PTPRB: variants seen among roughly 807,000 people sequenced by gnomAD.
PTPRB encodes the protein protein tyrosine phosphatase receptor type B, also known as receptor-type tyrosine-protein phosphatase beta.
PTPRB carries 97 observed loss-of-function variants against 238.1 expected under a neutral mutation model. The ratio of observed to expected loss-of-function variants is 0.41; its 90% CI spans 0.35 to 0.48. The LOEUF is 0.48. Among genes scored for constraint, PTPRB ranks in the 20% least tolerant of loss-of-function variants. PTPRB has a pLI of 0.30. For missense variants in PTPRB, 2,292 were observed against 2,681.9 expected, an observed-to-expected ratio of 0.85 and a Z score of 3.21; for synonymous variants, 970 against 995.4, an observed-to-expected ratio of 0.97 and a Z score of 0.48.
intron 31 of PTPRB, 64 bp from the exon 32 acceptor site, chr12:70,532,234 A>AGAG (rs1873365714): frequency 2.0e-6 from 3 of 1,484,878 alleles, no homozygotes; most frequent in South Asian, 2.7e-5. Context: ...GATTGCATCT[A>AGAG]GAGACTCTGG....
In PTPRB at chr12:70,622,555, C is replaced by A; in HGVS notation, c.543G>T (p.Leu181=). 1 of 1,605,874 alleles carries A rather than the reference C, an allele frequency of 6.2e-7. No individual in the cohort carries two copies. Residue 181 remains leucine (L), a synonymous_variant, in exon 3 of 34, where the codon CTG becomes CTT. Coordinates refer to ENST00000334414, the MANE Select transcript of PTPRB (RefSeq NM_001109754.4). ...LTTFNAVPDG[L]VFLIRNTTEA... The stretch of plus-strand genomic sequence containing the variant: ...CTGTGGTATTCCTAATAAGGAATAC[C>A]AGGCCATCTGGAACTGCATTAAAGG...
intron 15 of PTPRB, among the ~76,000 whole-genome samples, chr12:70,564,043 A>T (rs1878883334): frequency 6.6e-6 from 1 of 152,100 alleles, no homozygotes; most frequent in African/African-American, 2.4e-5. Context: ...TTCCAGCCAT[A>T]TGGGCCTCTT....
At chr12:70,619,192 G>A (rs1449253434) in intron 3 of PTPRB, among the ~76,000 whole-genome samples, 1 of 149,722 alleles carries the variant, frequency 6.7e-6, no homozygotes, top group Non-Finnish European at 1.5e-5. Context: ...GTGTGTGTGT[G>A]TATACTCTTC....
At chr12:70,635,162 AC>A (rs1225510211) in intron 2 of PTPRB, among the ~76,000 whole-genome samples, 4 of 152,142 alleles carry the variant, frequency 2.6e-5, no homozygotes, top group Non-Finnish European at 5.9e-5. Flanking sequence ...AAAGATATCT[AC>A]CCCTAAACAG....
At chr12:70,627,723 TA>T (rs1885269293) in intron 2 of PTPRB, among the ~76,000 whole-genome samples, 2 of 152,114 alleles carry the variant, frequency 1.3e-5, no homozygotes, top group Admixed American at 1.3e-4. Flanking sequence ...TTGATAACAT[TA>T]TTTTCAGACA....
intron 2 of PTPRB, among the ~76,000 whole-genome samples, chr12:70,624,702 G>A (rs1036170554): frequency 6.6e-6 from 1 of 152,126 alleles, no homozygotes; most frequent in Non-Finnish European, 1.5e-5. Flanking sequence ...TGACTGCTAC[G>A]TATGACAATT....
At chr12:70,595,635 G>T (rs1270656185) in intron 5 of PTPRB, among the ~76,000 whole-genome samples, 1 of 152,012 alleles carries the variant, frequency 6.6e-6, no homozygotes, top group Non-Finnish European at 1.5e-5. Flanking sequence ...TCAAACATAG[G>T]AATAGTTAGG....
chr12:70,562,173 A>G (rs767174212), intron 16 of PTPRB, among the ~76,000 whole-genome samples: 3 of 152,084 alleles, frequency 2.0e-5, no homozygotes, highest in African/African-American at 4.8e-5. Context: ...AGTCCCAGCT[A>G]CTCGGGAGGC....
chr12:70,538,694 G>T, intron 27 of PTPRB: 1 of 554,260 alleles, frequency 1.8e-6, no homozygotes, highest in East Asian at 3.0e-5. Flanking sequence ...GCATCACATG[G>T]GGAAATGTCA....
Position 70,635,924 on chromosome 12 carries a change from T to G in PTPRB, c.198A>C (p.Ala66=). The G allele has an allele frequency of 6.2e-7, 1 of 1,613,748 alleles. No homozygotes were observed. Among genetic ancestry groups the G allele is most frequent in the Non-Finnish European group, 8.5e-7 (1 of 1,179,838 alleles). The change falls in exon 2 of 34, where the codon GCA becomes GCC. Residue 66 remains alanine, a synonymous_variant. Coordinates refer to ENST00000334414, the MANE Select transcript of PTPRB (RefSeq NM_001109754.4). ...EDEKLLHVKS[A]LCLAISNSSR... is the part of the protein sequence containing the mutation. The stretch of plus-strand genomic sequence containing the variant: ...AAGAGTTGGAGATGGCCAAGCACAG[T>G]GCAGATTTAACATGAAGGAGCTTTT...
chr12:70,635,660 G>C lies in PTPRB; in HGVS notation c.451+11C>G, dbSNP rs1278588780. On this transcript the variant is annotated intron_variant, in intron 2 of 33. Coordinates refer to ENST00000334414, the MANE Select transcript of PTPRB (RefSeq NM_001109754.4). ...AGACTTTCAGGATTTGCTCTGAAAG[G>C]AATAGCTCACCTTTTTGTAAACAGA... is the stretch of plus-strand genomic sequence containing the variant. 6.2e-7 allele frequency: 1 copy of C among 1,610,460 alleles called. No homozygotes were observed. The highest frequency in any genetic ancestry group is 8.5e-7 in the Non-Finnish European group (1 of 1,177,860).
At chr12:70,549,058 A>G (rs565069375) in intron 21 of PTPRB, among the ~76,000 whole-genome samples, 1 of 152,182 alleles carries the variant, frequency 6.6e-6, no homozygotes, top group African/African-American at 2.4e-5. Context: ...CTGTCTCCAC[A>G]TTGTAAGCTT....
intron 33 of PTPRB, among the ~76,000 whole-genome samples, chr12:70,523,104 C>A (rs1039777239): frequency 2.0e-5 from 3 of 151,994 alleles, no homozygotes; most frequent in Non-Finnish European, 4.4e-5. Context: ...CTCAGCTGAT[C>A]ACCCACCTTG....
Position 70,581,142 on chromosome 12 carries a change from G to C in PTPRB, c.2472C>G (p.Ser824Arg). ...IKNESISSET[S>R]RYSFHSLKSG... ...ACTTGAGAGAGTGGAAGCTGTATCT[G>C]CTGGTCTCACTGGAGATGCTTTCAT... The change falls in exon 10 of 34, where the codon AGC becomes AGG. Residue 824 changes from serine to arginine, a missense_variant. Coordinates refer to ENST00000334414, the MANE Select transcript of PTPRB (RefSeq NM_001109754.4). The C allele has an allele frequency of 6.2e-7, 1 of 1,613,966 alleles. No homozygotes were observed. The highest frequency in any genetic ancestry group is 8.5e-7 in the Non-Finnish European group (1 of 1,179,862).
chr12:70,555,669 T>A (rs987361074), intron 19 of PTPRB, among the ~76,000 whole-genome samples: 2 of 150,716 alleles, frequency 1.3e-5, no homozygotes, highest in African/African-American at 4.9e-5. Flanking sequence ...CTAACTTGTT[T>A]GCTGTCAGGG....
Position 70,622,573 on chromosome 12 carries a change from A to G in PTPRB, c.525T>C (p.Asn175=). 1 of 1,598,420 alleles carries G rather than the reference A, an allele frequency of 6.3e-7. No homozygotes were observed. The highest frequency in any genetic ancestry group is 1.1e-5 in the South Asian group (1 of 89,198). The change falls in exon 3 of 34, where the codon AAT becomes AAC. Residue 175 remains asparagine (N), a synonymous_variant. Transcript: ENST00000334414. ...TAPPQILTTF[N]AVPDGLVFLI... ...GGAATACCAGGCCATCTGGAACTGC[A>G]TTAAAGGTAGTGAGAATCTGGGGTG...
intron 32 of PTPRB, among the ~76,000 whole-genome samples, chr12:70,526,690 G>C (rs997323164): frequency 6.6e-6 from 1 of 152,094 alleles, no homozygotes; most frequent in African/African-American, 2.4e-5. Context: ...GTCTCTTTTT[G>C]CTACCTTAAA....
chr12:70,598,574 A>G lies in PTPRB; in HGVS notation c.980-2247T>C, dbSNP rs184284361. On this transcript the variant is annotated intron_variant, in intron 4 of 33. Coordinates refer to ENST00000334414, the MANE Select transcript of PTPRB (RefSeq NM_001109754.4). ...TACTTATATTCCAAGGCAGTTTTGA[A>G]AAGTAACAAGATATAGAGGAGTCTA... Among the ~76,000 whole-genome samples the G allele has an allele frequency of 2.7e-3, 404 of 152,264 alleles. 2 individuals are homozygous for G. The highest frequency in any genetic ancestry group is 9.1e-3 in the African/African-American group (378 of 41,542).
rs763349033 is a variant in PTPRB at position 70,555,252 on chromosome 12, T to A, written c.5051A>T (p.Lys1684Met). The A allele has an allele frequency of 1.9e-6, 3 of 1,613,726 alleles. No individual in the cohort carries two copies. In the African/African-American group the frequency reaches 4.0e-5, roughly 22 times the overall value. The change falls in exon 20 of 34, where the codon AAG becomes ATG. Residue 1684 changes from lysine (K) to methionine (M), a missense_variant. Coordinates refer to ENST00000334414, the MANE Select transcript of PTPRB (RefSeq NM_001109754.4). ...RVNEKDVLISKSSINFTVNCS... is the reference protein window; with the variant it reads ...RVNEKDVLISMSSINFTVNCS... Reference sequence around the variant, plus strand: ...GTTGACAGTAAAGTTGATGGAAGACTTGCTAATTAGCACATCCTTTTCATT... The same window carrying A: ...GTTGACAGTAAAGTTGATGGAAGACATGCTAATTAGCACATCCTTTTCATT...
Sources: gnomAD v4.1 joint callset for allele counts (sites outside exome capture counted in the v4.1 genomes callset) on GRCh38, gnomAD v4.1.1 for gene constraint, MANE v1.5 for transcripts, NCBI Gene and HGNC (gene_info 2026-07-23, HGNC 2026-07-21) for gene names.